The following MORC2 variants were observed in gnomAD, a reference collection of about 807,000 sequenced individuals.
The protein encoded by MORC2 is ATPase MORC2.
MORC2 carries 30 observed loss-of-function variants against 136.0 expected under a neutral mutation model. The ratio of observed to expected loss-of-function variants is 0.22; its 90% confidence interval spans 0.17 to 0.30. The LOEUF (loss-of-function observed/expected upper bound fraction) is 0.30, where lower values mean the gene tolerates loss of function less well. Ranked by LOEUF, MORC2 falls within the 10% of genes least tolerant of loss-of-function variation. The probability of loss-of-function intolerance (pLI) is 1.00; values close to 1 mark genes in which losing one functional copy is unlikely to be tolerated. For synonymous variants in MORC2, 439 were observed against 487.0 expected (o/e 0.90, Z 1.30); for missense variants, 922 against 1,333.1 (o/e 0.69, Z 4.80).
In MORC2 at chr22:30,941,687, T is replaced by C; in HGVS notation, c.699-129A>G. The C allele has an allele frequency of 7.4e-7, 1 of 1,354,818 alleles. No homozygotes were observed. Among genetic ancestry groups the C allele is most frequent in the African/African-American group, 1.4e-5 (1 of 69,272 alleles). The allele number at this position is 1,354,818 out of a possible 1,614,324, so 83.9% of individuals were successfully genotyped here. A position where few individuals can be genotyped will look rare whatever the true frequency, so the allele number is the denominator to read the frequency against. Reference sequence around the variant, plus strand: ...ACTGACTTCTGCTGCTGCCCTGAACTGGTGCTCCCTTAGTGTGAGCACCAC... The same window carrying C: ...ACTGACTTCTGCTGCTGCCCTGAACCGGTGCTCCCTTAGTGTGAGCACCAC... On this transcript the variant is annotated intron_variant, in intron 8 of 25. Coordinates refer to ENST00000397641, the MANE Select transcript of MORC2 (RefSeq NM_001303256.3). The surrounding 1 kb of genome is among the most constrained non-coding windows in gnomAD (Gnocchi z 4.6).
At chr22:30,929,289 T>C (rs1387752074) in intron 24 of MORC2, among the ~76,000 whole-genome samples, 6 of 152,238 alleles carry the variant, frequency 3.9e-5, no homozygotes, top group African/African-American at 1.4e-4. Context: ...GAGGTAACTG[T>C]AGATTCACAT....
intron 6 of MORC2, 102 bp from the exon 7 acceptor site, chr22:30,942,373 C>T: frequency 7.5e-7 from 1 of 1,330,480 alleles, no homozygotes. Flanking sequence ...CTCCACACTG[C>T]CCTGTAGGTG....
In MORC2 at chr22:30,932,299, A is replaced by G; in HGVS notation, c.2841+60T>C. The G allele has an allele frequency of 7.2e-7, 1 of 1,382,534 alleles. No homozygotes were observed. The highest frequency in any genetic ancestry group is 1.3e-5 in the South Asian group (1 of 79,328). 85.6% of individuals were successfully genotyped at this position (1,382,534 alleles called of 1,614,324 possible). Reference sequence around the variant, plus strand: ...AATCATAATCACAACAGTTACAACAAATGCAGGGGCAGGGGTGGGGGAATG... The same window carrying G: ...AATCATAATCACAACAGTTACAACAGATGCAGGGGCAGGGGTGGGGGAATG... On this transcript the variant is annotated intron_variant, in intron 24 of 25. Transcript: ENST00000397641. This position sits in a 1 kb window ranked among gnomAD's most constrained non-coding sequence, Gnocchi z 4.4.
At position 30,934,182 on chromosome 22, in the gene MORC2, T is replaced by C. The variant is rs186049675; in HGVS notation, c.2203A>G (p.Ser735Gly). Residue 735 changes from serine (S) to glycine (G), a missense_variant, in exon 20 of 26, where the codon AGT becomes GGT. By Grantham distance (56) the Ser-to-Gly change is moderately conservative (BLOSUM62 0). Around this residue, in one of 9 missense-constraint regions of MORC2, gnomAD observed 184 missense variants for 180.3 expected, o/e 1.02. Transcript: ENST00000397641. This position sits in a 1 kb window ranked among gnomAD's most constrained non-coding sequence, Gnocchi z 4.4. Reference sequence around the variant, plus strand: ...GAAACTGCGACACTCCGCTTCCGACTAGGGGTAGCCTAGAGCAAGAGGAGC... The same window carrying C: ...GAAACTGCGACACTCCGCTTCCGACCAGGGGTAGCCTAGAGCAAGAGGAGC... ...SPIKLSPATP[S>G]RKRSVAVSDE... 1.1e-5 allele frequency: 17 copies of C among 1,614,104 alleles called. No homozygotes were observed. In the Admixed American group the frequency reaches 2.2e-4, roughly 21 times the overall value.
At chr22:30,949,887 T>C (rs765535769) in intron 4 of MORC2, 45 bp from the exon 5 acceptor site, 6 of 1,570,740 alleles carry the variant, frequency 3.8e-6, no homozygotes, top group Middle Eastern at 1.7e-4. Flanking sequence ...TGCATTTCTT[T>C]CCCAGGGTCC....
intron 1 of MORC2, among the ~76,000 whole-genome samples, chr22:30,960,990 C>T (rs971026195): frequency 1.3e-4 from 20 of 151,826 alleles, no homozygotes; most frequent in African/African-American, 3.4e-4. Context: ...CTCAGCCTCC[C>T]GAGTAGCTGG....
chr22:30,954,564 C>T lies in MORC2; in HGVS notation c.157+2199G>A, dbSNP rs150524245. On this transcript the variant is annotated intron_variant, in intron 3 of 25. Transcript: ENST00000397641. ...AAGTTCTTAAAGCAAAGACCCCCAT[C>T]TCCTCCTCTCTGGACATTTCCCAAA... Among the ~76,000 whole-genome samples, 969 of 152,308 alleles carry T rather than the reference C, an allele frequency of 6.4e-3. 13 individuals are homozygous for T. Among genetic ancestry groups the T allele is most frequent in the African/African-American group, 0.022 (923 of 41,564 alleles).
At chr22:30,949,706 T>C (rs754253603) in intron 5 of MORC2, 46 bp downstream of exon 5, 1 of 1,454,472 alleles carries the variant, frequency 6.9e-7, no homozygotes, top group South Asian at 1.1e-5. Context: ...AGGACAGCAT[T>C]GCTGGATTTT....
At chr22:30,933,269 T>C (rs1374734756) in intron 21 of MORC2, among the ~76,000 whole-genome samples, 197 bp downstream of exon 21, 3 of 152,128 alleles carry the variant, frequency 2.0e-5, no homozygotes, top group Non-Finnish European at 4.4e-5. Context: ...CACCAAGGAA[T>C]TAGTGTTAAA....
chr22:30,960,593 A>G (rs1348469953), intron 1 of MORC2, among the ~76,000 whole-genome samples: 1 of 151,582 alleles, frequency 6.6e-6, no homozygotes, highest in African/African-American at 2.4e-5. Flanking sequence ...GGTTCAAGCA[A>G]TTCTCCTGCT....
At chr22:30,945,668 T>C (rs540730323) in intron 6 of MORC2, among the ~76,000 whole-genome samples, 1 of 152,320 alleles carries the variant, frequency 6.6e-6, no homozygotes, top group South Asian at 2.1e-4. Context: ...ATCGGCCAAA[T>C]GTGTGTTTAG....
At position 30,936,667 on chromosome 22, in the gene MORC2, G is replaced by A; in HGVS notation, c.1605-24C>T. 4 of 1,607,978 alleles carry A rather than the reference G, an allele frequency of 2.5e-6. No homozygotes were observed. The South Asian group carries it at 4.4e-5, about 18-fold the overall frequency. On this transcript the variant is annotated intron_variant, in intron 16 of 25. Transcript: ENST00000397641. Reference sequence around the variant, plus strand: ...ACCTGTAGAGACAAGGTACTACAGAGGTCGTGGCAAACAGAGCGCCAAGCT... The same window carrying A: ...ACCTGTAGAGACAAGGTACTACAGAAGTCGTGGCAAACAGAGCGCCAAGCT...
At position 30,925,777 on chromosome 22, in the gene MORC2, C is replaced by T. The variant is rs1264500945; in HGVS notation, c.*1026G>A. On this transcript the variant is annotated 3_prime_UTR_variant, in exon 26 of 26. Coordinates refer to ENST00000397641, the MANE Select transcript of MORC2 (RefSeq NM_001303256.3). ...AAGTTAAGGGACACAGATTGTGGCG[C>T]CGTGATGGAACATGGAGGGAAGGCA... The T allele has an allele frequency of 6.5e-6, 1 of 153,448 alleles. No homozygotes were observed. Among genetic ancestry groups the T allele is most frequent in the African/African-American group, 2.4e-5 (1 of 41,418 alleles). 9.5% of individuals were successfully genotyped at this position (153,448 alleles called of 1,614,324 possible).
At position 30,946,757 on chromosome 22, in the gene MORC2, T is replaced by A. The variant is rs59467646; in HGVS notation, c.318-308A>T. ...CTCACGGCAGACCACCAGCCCCAGG[T>A]TAGTCTCACTCCCCCCACAACGCTG... On this transcript the variant is annotated intron_variant, in intron 5 of 25. Coordinates refer to ENST00000397641, the MANE Select transcript of MORC2 (RefSeq NM_001303256.3). Among the ~76,000 whole-genome samples the A allele has an allele frequency of 3.9e-5, 6 of 152,162 alleles. No individual in the cohort carries two copies. The East Asian group carries it at 1.2e-3, about 29-fold the overall frequency.
At chr22:30,928,738 G>C (rs1437392882) in intron 24 of MORC2, among the ~76,000 whole-genome samples, 1 of 152,322 alleles carries the variant, frequency 6.6e-6, no homozygotes, top group South Asian at 2.1e-4. Context: ...AACCTCCAGG[G>C]GGAGAGGTAG....
intron 6 of MORC2, among the ~76,000 whole-genome samples, chr22:30,944,954 A>G (rs1366255240): frequency 2.0e-5 from 3 of 151,750 alleles, no homozygotes; most frequent in Non-Finnish European, 4.4e-5. Flanking sequence ...AGAATCTGAT[A>G]CTGGCACATC....
chr22:30,956,933 GA>G (rs2040975251), intron 2 of MORC2, 136 bp from the exon 3 acceptor site: 1 of 651,212 alleles, frequency 1.5e-6, no homozygotes, highest in South Asian at 2.9e-5. Flanking sequence ...TAGACATTTA[GA>G]ATTTTTTTTA....
intron 5 of MORC2, among the ~76,000 whole-genome samples, chr22:30,947,186 C>T (rs2040829663): frequency 6.6e-6 from 1 of 152,256 alleles, no homozygotes; most frequent in Admixed American, 6.5e-5. Context: ...ATGACACAGG[C>T]AGCTCCCTGC....
rs1602496057 is a variant in MORC2, at chr22:30,946,372, C to A, written c.395G>T (p.Arg132Leu). ...EDTMTCLFLSRTFHEEEGIDE... is the reference protein window; with the variant it reads ...EDTMTCLFLSLTFHEEEGIDE... ...AATGCCTTCTTCCTCATGAAACGTGCGAGACAGGAAGAGGCAGGTCATGGT... is the reference window on the plus strand; with the variant it reads ...AATGCCTTCTTCCTCATGAAACGTGAGAGACAGGAAGAGGCAGGTCATGGT... The change falls in exon 6 of 26, where the codon CGC (arginine) becomes CTC (leucine). Residue 132 changes from arginine (R) to leucine (L), a missense_variant. By Grantham distance (102) the Arg-to-Leu change is moderately radical (BLOSUM62 -2). Around this residue, in one of 9 missense-constraint regions of MORC2, gnomAD observed 261 missense variants for 354.3 expected, o/e 0.74. Coordinates refer to ENST00000397641, the MANE Select transcript of MORC2 (RefSeq NM_001303256.3). The A allele has an allele frequency of 6.2e-7, 1 of 1,609,714 alleles. No homozygotes were observed. The highest frequency in any genetic ancestry group is 8.5e-7 in the Non-Finnish European group (1 of 1,177,864).
Sources: allele counts gnomAD v4.1 joint callset (sites outside exome capture counted in the v4.1 genomes callset), GRCh38; gene constraint gnomAD v4.1.1; regional missense constraint gnomAD v4.1.1; non-coding constraint Gnocchi (gnomAD v3.1); transcripts MANE v1.5; gene names NCBI Gene and HGNC (gene_info 2026-07-23, HGNC 2026-07-21).